The following L3MBTL4 variants were observed in gnomAD, a reference collection of about 807,000 sequenced individuals.
The protein encoded by L3MBTL4 is lethal(3)malignant brain tumor-like protein 4.
Under a neutral mutation model 84.5 loss-of-function variants are expected in L3MBTL4, and 70 were observed. The observed-to-expected ratio is 0.83, with a 90% CI of 0.68 to 1.01. The LOEUF (loss-of-function observed/expected upper bound fraction) is 1.01, where lower values mean the gene tolerates loss of function less well. L3MBTL4 is among the 50% of genes least tolerant of loss of function. The pLI, the probability that L3MBTL4 is intolerant of heterozygous loss-of-function variation, is 0.00. For missense variants in L3MBTL4, 715 were observed against 754.8 expected (o/e 0.95, Z 0.62); for synonymous variants, 274 against 259.8 (o/e 1.05, Z -0.52).
At chr18:6,112,182 C>T (rs2059216682) in intron 14 of L3MBTL4, among the ~76,000 whole-genome samples, 1 of 152,216 alleles carries the variant, frequency 6.6e-6, no homozygotes. Flanking sequence ...CACACACGCA[C>T]ACACATCAAT....
intron 10 of L3MBTL4, among the ~76,000 whole-genome samples, chr18:6,218,832 C>A (rs1220670214): frequency 6.6e-6 from 1 of 152,158 alleles, no homozygotes; most frequent in Admixed American, 6.5e-5. Flanking sequence ...CCTTGGGAAG[C>A]AAGAAGTAGG....
At chr18:6,368,925 C>A (rs2054043376) in intron 1 of L3MBTL4, among the ~76,000 whole-genome samples, 1 of 151,882 alleles carries the variant, frequency 6.6e-6, no homozygotes, top group Non-Finnish European at 1.5e-5. Context: ...ACCTGTAGTC[C>A]CAGCTACTCA....
At chr18:6,142,644 G>A (rs1720733) in intron 13 of L3MBTL4, among the ~76,000 whole-genome samples, 2 of 152,150 alleles carry the variant, frequency 1.3e-5, no homozygotes, top group Admixed American at 1.3e-4. Flanking sequence ...AAACAGGATA[G>A]GCATGGTGGC....
intron 1 of L3MBTL4, among the ~76,000 whole-genome samples, chr18:6,353,286 A>T (rs979880960): frequency 1.1e-4 from 16 of 152,104 alleles, no homozygotes; most frequent in Non-Finnish European, 2.2e-4. Flanking sequence ...AAAGCAAAAA[A>T]AAAAAAAAAT....
chr18:6,350,530 C>T (rs1466816897), intron 1 of L3MBTL4, among the ~76,000 whole-genome samples: 3 of 149,524 alleles, frequency 2.0e-5, no homozygotes, highest in African/African-American at 7.5e-5. Context: ...CCACTTTACA[C>T]ATAGGATGGC....
intron 1 of L3MBTL4, among the ~76,000 whole-genome samples, chr18:6,360,119 C>T (rs1338299868): frequency 6.6e-6 from 1 of 152,152 alleles, no homozygotes; most frequent in African/African-American, 2.4e-5. Flanking sequence ...CCTATAATCC[C>T]AACATTTTCA....
Position 6,018,013 on chromosome 18 carries a change from G to A in L3MBTL4, c.1445-48451C>T, listed in dbSNP as rs146765723. 3.0e-3 allele frequency among the ~76,000 whole-genome samples: 462 copies of A among 152,306 alleles called. 3 individuals are homozygous for A. Among genetic ancestry groups the A allele is most frequent in the African/African-American group, 0.01 (433 of 41,562 alleles). ...AGTGAAGCAGAACCTCTAGGGCAGG[G>A]AGAGCTGGAAACAGAACTCTTTCAG... On this transcript the variant is annotated intron_variant, in intron 16 of 18. Transcript: ENST00000317931.
intron 16 of L3MBTL4, among the ~76,000 whole-genome samples, chr18:5,987,711 TA>T (rs142768696): frequency 0.041 from 6,263 of 152,278 alleles, 202 homozygotes; most frequent in Non-Finnish European, 0.061. Context: ...AAAAATAGGT[TA>T]GTGGAAAGGT....
intron 1 of L3MBTL4, among the ~76,000 whole-genome samples, chr18:6,402,019 T>C (rs577333424): frequency 1.3e-5 from 2 of 152,258 alleles, no homozygotes; most frequent in African/African-American, 4.8e-5. Flanking sequence ...TAGCTTCAAG[T>C]GGCAGTAAGC....
At chr18:6,345,406 A>C (rs528410403) in intron 1 of L3MBTL4, among the ~76,000 whole-genome samples, 9 of 151,910 alleles carry the variant, frequency 5.9e-5, no homozygotes, top group African/African-American at 2.2e-4. Context: ...AAAAACAAAC[A>C]AACAAACAAA....
chr18:6,237,279 C>T (rs1287435191), intron 10 of L3MBTL4, among the ~76,000 whole-genome samples: 4 of 151,838 alleles, frequency 2.6e-5, no homozygotes, highest in Admixed American at 1.3e-4. Context: ...ACATTGAACT[C>T]CAAAGTTAAT....
intron 1 of L3MBTL4, among the ~76,000 whole-genome samples, chr18:6,400,406 G>A (rs2055461220): frequency 6.6e-6 from 1 of 152,022 alleles, no homozygotes; most frequent in South Asian, 2.1e-4. Context: ...AAAATCCATG[G>A]GTTAGGTGTG....
intron 1 of L3MBTL4, among the ~76,000 whole-genome samples, chr18:6,390,506 C>T (rs535601077): frequency 6.6e-6 from 1 of 151,916 alleles, no homozygotes; most frequent in Admixed American, 6.6e-5. Context: ...AATTGAAAAA[C>T]AAAGATACAA....
intron 13 of L3MBTL4, among the ~76,000 whole-genome samples, chr18:6,139,054 G>A (rs1369599602): frequency 1.3e-5 from 2 of 152,042 alleles, no homozygotes; most frequent in Non-Finnish European, 2.9e-5. Flanking sequence ...TGGCCCCACA[G>A]CACACTTACT....
At chr18:6,043,793 A>G (rs1183850445) in intron 16 of L3MBTL4, among the ~76,000 whole-genome samples, 3 of 152,210 alleles carry the variant, frequency 2.0e-5, no homozygotes. Flanking sequence ...AATGAGCTCC[A>G]ATACTTGTGC....
At chr18:6,212,843 C>T (rs1035640873) in intron 12 of L3MBTL4, among the ~76,000 whole-genome samples, 3 of 152,144 alleles carry the variant, frequency 2.0e-5, no homozygotes, top group Non-Finnish European at 4.4e-5. Context: ...GGAATCACTC[C>T]ATCCAAAGAC....
chr18:6,029,003 T>C (rs1245852673), intron 16 of L3MBTL4, among the ~76,000 whole-genome samples: 1 of 152,222 alleles, frequency 6.6e-6, no homozygotes, highest in Non-Finnish European at 1.5e-5. Flanking sequence ...TTTAAACTGC[T>C]GTGACTTATT....
intron 16 of L3MBTL4, among the ~76,000 whole-genome samples, chr18:6,043,756 T>C (rs2056502153): frequency 6.6e-6 from 1 of 152,214 alleles, no homozygotes; most frequent in South Asian, 2.1e-4. Flanking sequence ...GTAGATTATC[T>C]ATAAATGTTT....
Position 5,955,340 on chromosome 18 carries a change from C to T in L3MBTL4, c.*880G>A, listed in dbSNP as rs1458985975. On this transcript the variant is annotated 3_prime_UTR_variant, in exon 19 of 19. Coordinates refer to ENST00000317931, the MANE Select transcript of L3MBTL4 (RefSeq NM_001330559.2). ...CAGCCCCAGATGTAATATAACACAG[C>T]TCCTTATTACAGGGGTTCTGGCAGA... The T allele has an allele frequency of 6.6e-6, 1 of 152,262 alleles. No individual in the cohort carries two copies. Among genetic ancestry groups the T allele is most frequent in the Non-Finnish European group, 1.5e-5 (1 of 68,076 alleles). The allele number at this position is 152,262 out of a possible 1,614,324, so 9.4% of individuals were successfully genotyped here. A position where few individuals can be genotyped will look rare whatever the true frequency, so the allele number is the denominator to read the frequency against.
Sources: gnomAD v4.1 joint callset for allele counts (sites outside exome capture counted in the v4.1 genomes callset) on GRCh38, gnomAD v4.1.1 for gene constraint, MANE v1.5 for transcripts, NCBI Gene and HGNC (gene_info 2026-07-23, HGNC 2026-07-21) for gene names.